CLTB: variants seen among roughly 807,000 people sequenced by gnomAD.
CLTB encodes the protein clathrin, light chain (Lcb).
A neutral mutation model predicts 30.5 loss-of-function variants in CLTB; 10 were observed. The observed-to-expected ratio is 0.33, with a 90% confidence interval of 0.20 to 0.56. CLTB has a LOEUF of 0.56. CLTB is among the 20% of genes least tolerant of loss of function. The pLI, the probability that CLTB is intolerant of heterozygous loss-of-function variation, is 0.91. For synonymous variants in CLTB, 102 were observed against 120.3 expected, an observed-to-expected ratio of 0.85 and a Z score of 1.00; for missense variants, 261 against 308.3, an observed-to-expected ratio of 0.85 and a Z score of 1.15.
At chr5:176,414,883 C>T (rs983929807) in intron 1 of CLTB, among the ~76,000 whole-genome samples, 6 of 152,192 alleles carry the variant, frequency 3.9e-5, no homozygotes, top group Admixed American at 1.3e-4. Context: ...GTATCCCCAG[C>T]GTCCTGACAC....
At chr5:176,412,399 C>T (rs1757489001) in intron 1 of CLTB, among the ~76,000 whole-genome samples, 1 of 152,156 alleles carries the variant, frequency 6.6e-6, no homozygotes. Context: ...TTACCAGGCT[C>T]CGTGTCCTAT....
chr5:176,396,618 G>C, intron 4 of CLTB, 86 bp from the exon 5 acceptor site: 1 of 951,670 alleles, frequency 1.1e-6, no homozygotes, highest in Non-Finnish European at 1.7e-6. Flanking sequence ...GAGAGAGAGA[G>C]AGAGACAGCA....
intron 1 of CLTB, among the ~76,000 whole-genome samples, 181 bp downstream of exon 1, chr5:176,415,996 C>A (rs1757672828): frequency 6.6e-6 from 1 of 152,212 alleles, no homozygotes. Flanking sequence ...CAGCCCCAGG[C>A]GAGGCCTCAT....
chr5:176,392,638 C>G lies in CLTB; in HGVS notation c.*136G>C. On this transcript the variant is annotated 3_prime_UTR_variant, in exon 6 of 6. Coordinates refer to ENST00000310418, the MANE Select transcript of CLTB (RefSeq NM_007097.5). This position sits in a 1 kb window ranked among gnomAD's most constrained non-coding sequence, Gnocchi z 5.2. ...GGCGTGATGGGGTGAGGGCCCCCCT[C>G]CCAGCGCCTGGAGATGGGGAGGAGT... 2 of 1,041,404 alleles carry G rather than the reference C, an allele frequency of 1.9e-6. No individual in the cohort carries two copies. The highest frequency in any genetic ancestry group is 1.5e-5 in the South Asian group (1 of 65,522). The allele number at this position is 1,041,404 out of a possible 1,614,324, so 64.5% of individuals were successfully genotyped here.
At chr5:176,415,818 C>T (rs1757665023) in intron 1 of CLTB, among the ~76,000 whole-genome samples, 1 of 152,154 alleles carries the variant, frequency 6.6e-6, no homozygotes, top group African/African-American at 2.4e-5. Flanking sequence ...TGTGTTCTGC[C>T]CACACCTGCA....
chr5:176,408,981 G>C (rs1757280834), intron 2 of CLTB, among the ~76,000 whole-genome samples: 1 of 151,986 alleles, frequency 6.6e-6, no homozygotes, highest in Non-Finnish European at 1.5e-5. Flanking sequence ...CAAACCTTTA[G>C]TTTTATTTTT....
downstream of CLTB, chr5:176,392,492 TA>T: frequency 2.5e-6 from 1 of 401,840 alleles, no homozygotes; most frequent in Non-Finnish European, 4.5e-6. The surrounding 1 kb of genome is among the most constrained non-coding windows in gnomAD (Gnocchi z 5.2). Flanking sequence ...TAAATAAGTG[TA>T]AAAAGAGTCA....
rs180999566 is a variant in CLTB at position 176,392,992 on chromosome 5, C to T, written c.519-47G>A. 1.2e-6 allele frequency: 2 copies of T among 1,609,018 alleles called. No individual in the cohort carries two copies. The highest frequency in any genetic ancestry group is 1.7e-4 in the Middle Eastern group (1 of 5,982). On this transcript the variant is annotated intron_variant, in intron 5 of 5. Coordinates refer to ENST00000310418, the MANE Select transcript of CLTB (RefSeq NM_007097.5). The surrounding 1 kb of genome is among the most constrained non-coding windows in gnomAD (Gnocchi z 5.2). ...GCTTTTATAGCAGTCTGCTTTCCCCCAGCCTTGCCCTTGAGCAAGGCTGCT... is the reference window on the plus strand; with the variant it reads ...GCTTTTATAGCAGTCTGCTTTCCCCTAGCCTTGCCCTTGAGCAAGGCTGCT...
intron 2 of CLTB, among the ~76,000 whole-genome samples, chr5:176,404,747 GT>G (rs960899404): frequency 6.6e-6 from 1 of 152,204 alleles, no homozygotes; most frequent in African/African-American, 2.4e-5. Flanking sequence ...CTCCTGGCAC[GT>G]CCCTTTGTGC....
intron 2 of CLTB, among the ~76,000 whole-genome samples, chr5:176,408,735 G>A (rs1346210750): frequency 1.3e-5 from 2 of 152,126 alleles, no homozygotes; most frequent in Non-Finnish European, 2.9e-5. Context: ...TGCCCAGTTT[G>A]GTCTCAAACT....
intron 4 of CLTB, 143 bp from the exon 5 acceptor site, chr5:176,396,675 G>A: frequency 1.4e-6 from 1 of 713,806 alleles, no homozygotes; most frequent in South Asian, 1.5e-5. Flanking sequence ...GTTCTGGAAG[G>A]CTCAGCAACG....
At position 176,416,205 on chromosome 5, in the gene CLTB, G is replaced by A; in HGVS notation, c.159C>T (p.Ala53=). The A allele has an allele frequency of 6.3e-7, 1 of 1,592,660 alleles. No individual in the cohort carries two copies. The highest frequency in any genetic ancestry group is 8.5e-7 in the Non-Finnish European group (1 of 1,172,650). Residue 53 remains alanine (A), a synonymous_variant, in exon 1 of 6, where the codon GCC becomes GCT. Transcript: ENST00000310418. ...CACTCGTGGGGCCCGGCTGCGCGGG[G>A]GCCGCATGGCTGCCGGCAGGTGCCC... ...GFGAPAGSHA[A]PAQPGPTSGA...
At chr5:176,400,781 G>C (rs949898712) in intron 2 of CLTB, among the ~76,000 whole-genome samples, 3 of 152,166 alleles carry the variant, frequency 2.0e-5, no homozygotes, top group Non-Finnish European at 4.4e-5. Context: ...GGAGTGTCTG[G>C]CACACTCTCT....
intron 2 of CLTB, chr5:176,405,684 G>C (rs1159297632): frequency 6.6e-6 from 1 of 152,022 alleles, no homozygotes; most frequent in Non-Finnish European, 1.5e-5. Context: ...ACAAGTAGCT[G>C]GGTACACAGG....
chr5:176,415,647 C>A (rs928822774), intron 1 of CLTB, among the ~76,000 whole-genome samples: 1 of 152,244 alleles, frequency 6.6e-6, no homozygotes, highest in African/African-American at 2.4e-5. Context: ...GAAATGGGTT[C>A]AATCACGTGT....
intron 1 of CLTB, 46 bp from the exon 2 acceptor site, chr5:176,410,349 A>C: frequency 6.4e-7 from 1 of 1,573,678 alleles, no homozygotes; most frequent in South Asian, 1.1e-5. Flanking sequence ...TTTAGCTTAT[A>C]GCAAGCAGGA....
At chr5:176,411,582 T>C (rs1757428444) in intron 1 of CLTB, among the ~76,000 whole-genome samples, 1 of 152,218 alleles carries the variant, frequency 6.6e-6, no homozygotes, top group Non-Finnish European at 1.5e-5. Context: ...GCTGTGTTTA[T>C]TTGTGTATGT....
At chr5:176,397,450 G>A (rs1185755753) in intron 4 of CLTB, among the ~76,000 whole-genome samples, 157 bp downstream of exon 4, 4 of 59,940 alleles carry the variant, frequency 6.7e-5, no homozygotes, top group African/African-American at 2.8e-4. Flanking sequence ...CCCACAGCCC[G>A]TCTCATGTCC....
chr5:176,406,990 C>A (rs1757156364), intron 2 of CLTB, among the ~76,000 whole-genome samples: 1 of 152,204 alleles, frequency 6.6e-6, no homozygotes, highest in Non-Finnish European at 1.5e-5. Flanking sequence ...TCATCTGTGA[C>A]CCTGCCCTGC....
Sources: gnomAD v4.1 joint callset for allele counts (sites outside exome capture counted in the v4.1 genomes callset) on GRCh38, gnomAD v4.1.1 for gene constraint, Gnocchi (gnomAD v3.1) non-coding constraint, MANE v1.5 for transcripts, NCBI Gene and HGNC (gene_info 2026-07-23, HGNC 2026-07-21) for gene names.